The following NAP1L4 variants were observed in gnomAD, a reference collection of about 807,000 sequenced individuals.
NAP1L4 encodes nucleosome assembly protein 1-like 4.
NAP1L4 carries 15 observed loss-of-function variants against 58.2 expected under a neutral mutation model. That is an observed-to-expected ratio of 0.26 (90% CI 0.17 to 0.40). NAP1L4 has a LOEUF of 0.40. NAP1L4 is among the 10% of genes least tolerant of loss of function. The pLI is 1.00. For missense variants in NAP1L4, 384 were observed against 451.1 expected (o/e 0.85, Z 1.35); for synonymous variants, 171 against 155.6 (o/e 1.10, Z -0.74).
chr11:2,954,324 C>T lies in NAP1L4; in HGVS notation c.1035+203G>A, dbSNP rs568794071. ...ACCTCTGAAACTGCTTCACAGACAC[C>T]TGCTTTTCCTGCTCTGTTCCTCAGA... On this transcript the variant is annotated intron_variant, in intron 12 of 15. Coordinates refer to ENST00000380542, the MANE Select transcript of NAP1L4 (RefSeq NM_005969.4). This position sits in a 1 kb window ranked among gnomAD's most constrained non-coding sequence, Gnocchi z 4.8. The T allele has an allele frequency of 1.7e-5, 13 of 756,098 alleles. No homozygotes were observed. In the Admixed American group the frequency reaches 2.9e-4, roughly 17 times the overall value. The allele number at this position is 756,098 out of a possible 1,614,324, so 46.8% of individuals were successfully genotyped here. A position where few individuals can be genotyped will look rare whatever the true frequency, so the allele number is the denominator to read the frequency against.
In NAP1L4 at chr11:2,949,167, C is replaced by T; in HGVS notation, c.*32+60G>A. On this transcript the variant is annotated intron_variant, in intron 15 of 15. Transcript: ENST00000380542. This position sits in a 1 kb window ranked among gnomAD's most constrained non-coding sequence, Gnocchi z 4.0. ...CTCTTTATTCAAAGTCAAAACAATGCATTGTATAAAGTATAGATCAGAAGT... is the reference window on the plus strand; with the variant it reads ...CTCTTTATTCAAAGTCAAAACAATGTATTGTATAAAGTATAGATCAGAAGT... 1 of 1,315,960 alleles carries T rather than the reference C, an allele frequency of 7.6e-7. No homozygotes were observed. Among genetic ancestry groups the T allele is most frequent in the South Asian group, 1.2e-5 (1 of 81,152 alleles). The allele number at this position is 1,315,960 out of a possible 1,614,324, so 81.5% of individuals were successfully genotyped here. A position where few individuals can be genotyped will look rare whatever the true frequency, so the allele number is the denominator to read the frequency against.
At chr11:2,970,184 A>G (rs1443782411) in intron 6 of NAP1L4, among the ~76,000 whole-genome samples, 1 of 152,168 alleles carries the variant, frequency 6.6e-6, no homozygotes, top group Non-Finnish European at 1.5e-5. Flanking sequence ...AACTAAAGAG[A>G]TGACAAAGTG....
At chr11:2,987,567 C>A (rs1490680177) in intron 1 of NAP1L4, among the ~76,000 whole-genome samples, 1 of 151,278 alleles carries the variant, frequency 6.6e-6, no homozygotes, top group African/African-American at 2.4e-5. Flanking sequence ...ACCAGCCTGA[C>A]CAATATGGTG....
chr11:2,964,789 A>G, intron 7 of NAP1L4, 38 bp from the exon 8 acceptor site: 1 of 1,490,170 alleles, frequency 6.7e-7, no homozygotes, highest in Non-Finnish European at 9.3e-7. Flanking sequence ...ACAGGCTTTT[A>G]AAAAAACAAC....
chr11:2,990,655 C>T (rs1300964876), intron 1 of NAP1L4: 1 of 153,842 alleles, frequency 6.5e-6, no homozygotes, highest in African/African-American at 2.4e-5. Context: ...GAAGCAGTAA[C>T]CCTGGGTACA....
rs116725701 is a variant in NAP1L4 at position 2,990,909 on chromosome 11, C to T, written c.-18+1345G>A. On this transcript the variant is annotated intron_variant, in intron 1 of 15. Transcript: ENST00000380542. ...AAGGTAGTAACTTAGAAAGACTTAC[C>T]TTTAAGGTCCAACAACCTAATCTAC... The T allele has an allele frequency of 1.8e-5, 6 of 339,714 alleles. No homozygotes were observed. The Admixed American group carries it at 1.9e-4, about 11-fold the overall frequency. The allele number at this position is 339,714 out of a possible 1,614,324, so 21.0% of individuals were successfully genotyped here.
intron 12 of NAP1L4, among the ~76,000 whole-genome samples, chr11:2,953,256 C>T (rs1232968425): frequency 6.6e-6 from 1 of 152,232 alleles, no homozygotes; most frequent in African/African-American, 2.4e-5. Context: ...AGTACAGATA[C>T]CGCATATAAG....
chr11:2,972,835 A>T (rs568565641), intron 4 of NAP1L4, among the ~76,000 whole-genome samples: 1 of 152,232 alleles, frequency 6.6e-6, no homozygotes, highest in South Asian at 2.1e-4. Context: ...GCAAGGCATG[A>T]TGGTGTGCGC....
chr11:2,945,866 C>A (rs924794088), intron 15 of NAP1L4, among the ~76,000 whole-genome samples: 1 of 152,166 alleles, frequency 6.6e-6, no homozygotes, highest in Non-Finnish European at 1.5e-5. Flanking sequence ...GCTATGCCTT[C>A]AAGCATTCAA....
At chr11:2,987,022 G>A (rs1239569941) in intron 1 of NAP1L4, among the ~76,000 whole-genome samples, 1 of 152,128 alleles carries the variant, frequency 6.6e-6, no homozygotes, top group Non-Finnish European at 1.5e-5. Context: ...CAGCCATTGG[G>A]CACAAGTTCA....
At position 2,959,627 on chromosome 11, in the gene NAP1L4, T is replaced by A; in HGVS notation, c.746+143A>T. ...GAGCATTCCCAAACTGAAAGACTAT[T>A]GAAATATACATCTACCAGGCTTTTA... On this transcript the variant is annotated intron_variant, in intron 9 of 15. Coordinates refer to ENST00000380542, the MANE Select transcript of NAP1L4 (RefSeq NM_005969.4). The surrounding 1 kb of genome is among the most constrained non-coding windows in gnomAD (Gnocchi z 4.9). 2.0e-6 allele frequency: 2 copies of A among 984,188 alleles called. No homozygotes were observed. Among genetic ancestry groups the A allele is most frequent in the South Asian group, 1.8e-5 (1 of 56,160 alleles). 61.0% of individuals were successfully genotyped at this position (984,188 alleles called of 1,614,324 possible).
chr11:2,963,995 C>G, intron 8 of NAP1L4: 1 of 469,082 alleles, frequency 2.1e-6, no homozygotes, highest in Non-Finnish European at 4.3e-6. Flanking sequence ...TCAAGCTTAT[C>G]TTACCAACTG....
At chr11:2,970,482 TC>T in intron 6 of NAP1L4, among the ~76,000 whole-genome samples, 1 of 152,044 alleles carries the variant, frequency 6.6e-6, no homozygotes, top group South Asian at 2.1e-4. Flanking sequence ...CAGCAACTTA[TC>T]CAGCTTGTAA....
At position 2,951,037 on chromosome 11, in the gene NAP1L4, T is replaced by A. The variant is rs1259732668; in HGVS notation, c.1122+222A>T. ...GGAGTCTATGTAAATAAGACACAGC[T>A]TGAGACAGCTGGAAAAGCTTCTACT... On this transcript the variant is annotated intron_variant, in intron 14 of 15. Coordinates refer to ENST00000380542, the MANE Select transcript of NAP1L4 (RefSeq NM_005969.4). This position sits in a 1 kb window ranked among gnomAD's most constrained non-coding sequence, Gnocchi z 4.0. 2 of 511,670 alleles carry A rather than the reference T, an allele frequency of 3.9e-6. No homozygotes were observed. The highest frequency in any genetic ancestry group is 6.9e-6 in the Non-Finnish European group (2 of 290,600). The allele number at this position is 511,670 out of a possible 1,614,324, so 31.7% of individuals were successfully genotyped here. A position where few individuals can be genotyped will look rare whatever the true frequency, so the allele number is the denominator to read the frequency against.
intron 7 of NAP1L4, among the ~76,000 whole-genome samples, chr11:2,969,227 T>A (rs1847485246): frequency 6.6e-6 from 1 of 152,050 alleles, no homozygotes; most frequent in South Asian, 2.1e-4. Flanking sequence ...TCTGCCTACC[T>A]TGACCTCCCA....
chr11:2,966,798 A>G lies in NAP1L4; in HGVS notation c.535-2047T>C, dbSNP rs75055553. Among the ~76,000 whole-genome samples the G allele has an allele frequency of 8.8e-3, 1,342 of 152,288 alleles. 13 individuals are homozygous for G. Among genetic ancestry groups the G allele is most frequent in the African/African-American group, 0.031 (1,283 of 41,540 alleles). ...GAGATGGCACTGGGACTTCAAACTC[A>G]TCCCACTCAAAGACGCAGTGCCCAC... is the stretch of plus-strand genomic sequence containing the variant. On this transcript the variant is annotated intron_variant, in intron 7 of 15. Transcript: ENST00000380542.
chr11:2,961,137 TAAGAGGACTAAA>T (rs1846878230), intron 8 of NAP1L4, among the ~76,000 whole-genome samples: 1 of 151,690 alleles, frequency 6.6e-6, no homozygotes, highest in Non-Finnish European at 1.5e-5. Flanking sequence ...GGGGGGAAAT[TAAGAGGACTAAA>T]AAAAATATAC....
intron 4 of NAP1L4, among the ~76,000 whole-genome samples, chr11:2,972,843 C>T (rs924218096): frequency 2.6e-5 from 4 of 152,074 alleles, no homozygotes; most frequent in African/African-American, 7.2e-5. Context: ...TGATGGTGTG[C>T]GCCTGTAGTC....
At position 2,968,117 on chromosome 11, in the gene NAP1L4, G is replaced by A. The variant is rs1012064753; in HGVS notation, c.534+1686C>T. Among the ~76,000 whole-genome samples, 12 of 152,140 alleles carry A rather than the reference G, an allele frequency of 7.9e-5. No individual in the cohort carries two copies. The South Asian group carries it at 1.5e-3, about 18-fold the overall frequency. On this transcript the variant is annotated intron_variant, in intron 7 of 15. Transcript: ENST00000380542. ...AGACAGCCCCACAGAACCAGAATCC[G>A]CACTGCCATGGCCACTCCCCATGCC... is the stretch of plus-strand genomic sequence containing the variant.
Sources: allele counts gnomAD v4.1 joint callset (sites outside exome capture counted in the v4.1 genomes callset), GRCh38; gene constraint gnomAD v4.1.1; non-coding constraint Gnocchi (gnomAD v3.1); transcripts MANE v1.5; gene names NCBI Gene and HGNC (gene_info 2026-07-23, HGNC 2026-07-21).